Variants in CDK13 observed in about 807,000 individuals in gnomAD.
CDK13 encodes cyclin-dependent kinase 13.
In CDK13, 40 loss-of-function variants were observed where a neutral mutation model predicts 137.6. The ratio of observed to expected loss-of-function variants is 0.29; its 90% CI spans 0.23 to 0.38. The LOEUF is 0.38. Ranked by LOEUF, CDK13 falls within the 10% of genes least tolerant of loss-of-function variation. The pLI, the probability that CDK13 is intolerant of heterozygous loss-of-function variation, is 1.00. For synonymous variants in CDK13, 869 were observed against 760.1 expected (o/e 1.14, Z -2.36); for missense variants, 1,704 against 1,951.8 (o/e 0.87, Z 2.39).
intron 5 of CDK13, among the ~76,000 whole-genome samples, chr7:40,042,354 A>G (rs1426038267): frequency 2.7e-5 from 4 of 148,196 alleles, no homozygotes; most frequent in East Asian, 4.1e-4. Flanking sequence ...GTGCTGGGAT[A>G]ACAGTCGTGA....
At chr7:40,043,024 C>T (rs1238225460) in intron 5 of CDK13, among the ~76,000 whole-genome samples, 1 of 152,192 alleles carries the variant, frequency 6.6e-6, no homozygotes, top group African/African-American at 2.4e-5. Flanking sequence ...GCAGTCCTCT[C>T]GCCCCGATCT....
At chr7:40,050,105 G>A (rs1346377043) in intron 7 of CDK13, among the ~76,000 whole-genome samples, 2 of 151,792 alleles carry the variant, frequency 1.3e-5, no homozygotes, top group East Asian at 1.9e-4. Context: ...TCAGCCTACC[G>A]ATAGCTGGGA....
At chr7:40,072,349 ACTC>A (rs1786440646) in intron 9 of CDK13, 1 of 152,242 alleles carries the variant, frequency 6.6e-6, no homozygotes, top group Admixed American at 6.5e-5. Context: ...TTGGTCTCGA[ACTC>A]ATGACCTCAG....
intron 1 of CDK13, among the ~76,000 whole-genome samples, chr7:39,958,500 T>A (rs773406): frequency 6.6e-6 from 1 of 152,182 alleles, no homozygotes; most frequent in African/African-American, 2.4e-5. Context: ...GATAAATATT[T>A]TTCTAGACTT....
chr7:40,029,647 A>T (rs1237367112), intron 5 of CDK13, among the ~76,000 whole-genome samples: 1 of 150,300 alleles, frequency 6.7e-6, no homozygotes, highest in Non-Finnish European at 1.5e-5. Flanking sequence ...GAGAGAAAAG[A>T]TTCTTTTTTT....
At chr7:40,094,090 A>C (rs1289073604) in intron 13 of CDK13, 40 bp from the exon 14 acceptor site, 3 of 1,594,988 alleles carry the variant, frequency 1.9e-6, no homozygotes, top group Non-Finnish European at 2.6e-6. Context: ...TTAGTTTTCC[A>C]TGGTAACTTT....
At chr7:40,087,274 G>T (rs17496677) in intron 11 of CDK13, among the ~76,000 whole-genome samples, 29,595 of 151,914 alleles carry the variant, frequency 0.19, 3,059 homozygotes, top group Middle Eastern at 0.3. Context: ...CTCCCAAGTA[G>T]CTGGGACTGC....
intron 5 of CDK13, among the ~76,000 whole-genome samples, chr7:40,040,897 G>A (rs1235264296): frequency 6.6e-6 from 1 of 152,124 alleles, no homozygotes; most frequent in Non-Finnish European, 1.5e-5. Context: ...TGCATTTAAA[G>A]ATAGTTTTAG....
At chr7:40,077,893 G>C (rs765933149) in intron 9 of CDK13, 112 bp from the exon 10 acceptor site, 177 of 538,614 alleles carry the variant, frequency 3.3e-4, no homozygotes, top group Non-Finnish European at 2.7e-4. Flanking sequence ...AGTTTTTATA[G>C]ACCAAGGCTT....
intron 1 of CDK13, among the ~76,000 whole-genome samples, chr7:39,968,551 A>G (rs1203799061): frequency 6.6e-6 from 1 of 152,182 alleles, no homozygotes; most frequent in African/African-American, 2.4e-5. Flanking sequence ...ATCACCATTT[A>G]TTGAAGAGGC....
intron 1 of CDK13, among the ~76,000 whole-genome samples, chr7:39,963,418 C>T (rs137943776): frequency 0.27 from 40,504 of 151,888 alleles, 6,524 homozygotes; most frequent in Middle Eastern, 0.45. Flanking sequence ...TGATTTGGCT[C>T]TCTGTTTGTC....
intron 5 of CDK13, among the ~76,000 whole-genome samples, chr7:40,036,337 C>T (rs1785482701): frequency 6.6e-6 from 1 of 152,042 alleles, no homozygotes; most frequent in African/African-American, 2.4e-5. Flanking sequence ...CTAAAATATT[C>T]AAACATCTAA....
At chr7:40,032,508 T>G (rs112918310) in intron 5 of CDK13, among the ~76,000 whole-genome samples, 4 of 152,218 alleles carry the variant, frequency 2.6e-5, no homozygotes, top group African/African-American at 9.6e-5. Context: ...TTCTAGAAAT[T>G]TAGTTTTGCA....
At chr7:40,035,165 G>A (rs1220512926) in intron 5 of CDK13, among the ~76,000 whole-genome samples, 5 of 152,032 alleles carry the variant, frequency 3.3e-5, no homozygotes, top group Non-Finnish European at 7.4e-5. Context: ...GCATGTTATA[G>A]TTCCACAACT....
chr7:40,045,090 T>C (rs577380125), intron 5 of CDK13, among the ~76,000 whole-genome samples: 9 of 152,226 alleles, frequency 5.9e-5, no homozygotes, highest in East Asian at 3.8e-4. Context: ...TAGGAACTTA[T>C]CTGAACCAAG....
chr7:40,078,675 T>A, intron 10 of CDK13, 45 bp from the exon 11 acceptor site: 1 of 1,281,984 alleles, frequency 7.8e-7, no homozygotes, highest in Non-Finnish European at 1.0e-6. Context: ...AACATAAGCT[T>A]GTGTCTAAAG....
chr7:39,995,803 T>C (rs1583963496), intron 2 of CDK13, among the ~76,000 whole-genome samples: 1 of 152,000 alleles, frequency 6.6e-6, no homozygotes, highest in Admixed American at 6.6e-5. Flanking sequence ...AGGTCGGGAG[T>C]ACAAGACCAG....
chr7:39,951,430 C>A lies in CDK13; in HGVS notation c.789C>A (p.Ala263=), dbSNP rs1264028643. The change falls in exon 1 of 14, where the codon GCC becomes GCA. Residue 263 remains alanine, a synonymous_variant. Transcript: ENST00000181839. ...GCGGCCGCCGGAAAAGCGCTTCGGC[C>A]ACATCCAGCAGCAGTAGCAGCCGCA... ...SSGGRRKSAS[A]TSSSSSSRKD... 6 of 1,533,858 alleles carry A rather than the reference C, an allele frequency of 3.9e-6. 1 individual carries two copies. The East Asian group carries it at 1.3e-4, about 33-fold the overall frequency.
intron 5 of CDK13, among the ~76,000 whole-genome samples, chr7:40,012,278 C>T (rs1203257118): frequency 6.6e-6 from 1 of 152,090 alleles, no homozygotes; most frequent in Non-Finnish European, 1.5e-5. Context: ...AAATAGAATT[C>T]TAGAAATTCT....
Sources: gnomAD v4.1 joint callset for allele counts (sites outside exome capture counted in the v4.1 genomes callset) on GRCh38, gnomAD v4.1.1 for gene constraint, MANE v1.5 for transcripts, NCBI Gene and HGNC (gene_info 2026-07-23, HGNC 2026-07-21) for gene names.